Variants in TRIQK observed in about 807,000 individuals in gnomAD.
TRIQK encodes the protein triple QxxK/R motif containing, also known as triple QxxK/R motif-containing protein.
TRIQK carries 10 observed loss-of-function variants against 10.8 expected under a neutral mutation model. That is an observed-to-expected ratio of 0.92 (90% CI 0.57 to 1.57). TRIQK has a LOEUF of 1.57. TRIQK is among the 40% of genes most tolerant of loss of function. TRIQK has a pLI of 0.00. For missense variants in TRIQK, 107 were observed against 97.7 expected, an observed-to-expected ratio of 1.09 and a Z score of -0.40; for synonymous variants, 33 against 33.7, an observed-to-expected ratio of 0.98 and a Z score of 0.07.
intron 1 of TRIQK, among the ~76,000 whole-genome samples, chr8:93,007,323 G>GCAA (rs763995050): frequency 6.6e-6 from 1 of 152,128 alleles, no homozygotes; most frequent in Non-Finnish European, 1.5e-5. Context: ...CAAACAGAAA[G>GCAA]CAACAACAAC....
chr8:92,884,525 C>A lies in TRIQK; in HGVS notation c.*2097G>T. On this transcript the variant is annotated 3_prime_UTR_variant, in exon 5 of 5. Transcript: ENST00000521988. ...CAATAAAACTAGGCAGTGAAATTTG[C>A]CTATAATTATACTATATTTAGATTA... is the stretch of plus-strand genomic sequence containing the variant. 1 of 273,336 alleles carries A rather than the reference C, an allele frequency of 3.7e-6. No homozygotes were observed. Among genetic ancestry groups the A allele is most frequent in the Non-Finnish European group, 7.2e-6 (1 of 138,906 alleles). 16.9% of individuals were successfully genotyped at this position (273,336 alleles called of 1,614,324 possible).
At chr8:92,913,292 T>C (rs1809661942) in intron 3 of TRIQK, among the ~76,000 whole-genome samples, 1 of 151,696 alleles carries the variant, frequency 6.6e-6, no homozygotes, top group South Asian at 2.1e-4. Context: ...AAAAACCCCA[T>C]CAAAAAGTGG....
At chr8:92,904,758 G>T (rs1395380993) in intron 3 of TRIQK, among the ~76,000 whole-genome samples, 2 of 152,100 alleles carry the variant, frequency 1.3e-5, no homozygotes, top group African/African-American at 4.8e-5. Flanking sequence ...ATATCACAAT[G>T]ACAATGATAT....
intron 2 of TRIQK, among the ~76,000 whole-genome samples, chr8:92,930,839 T>C (rs1280628254): frequency 6.6e-6 from 1 of 152,186 alleles, no homozygotes. Context: ...TTGTTTGAAT[T>C]ATCACAGGAA....
At chr8:93,008,893 G>A (rs1813300343) in intron 1 of TRIQK, among the ~76,000 whole-genome samples, 1 of 152,264 alleles carries the variant, frequency 6.6e-6, no homozygotes, top group East Asian at 1.9e-4. Flanking sequence ...AAAACACAGA[G>A]GAAATGATTC....
At chr8:92,948,589 G>GT (rs1169847086) in intron 2 of TRIQK, among the ~76,000 whole-genome samples, 1 of 152,076 alleles carries the variant, frequency 6.6e-6, no homozygotes. Flanking sequence ...TATTTAAAAG[G>GT]TTTTTTCTTA....
chr8:92,955,531 A>G (rs754906356), intron 1 of TRIQK, among the ~76,000 whole-genome samples: 1 of 151,782 alleles, frequency 6.6e-6, no homozygotes, highest in Non-Finnish European at 1.5e-5. Flanking sequence ...AGTCTCTTAG[A>G]TACAACACCA....
At chr8:92,946,884 A>C (rs1811565631) in intron 2 of TRIQK, among the ~76,000 whole-genome samples, 1 of 151,100 alleles carries the variant, frequency 6.6e-6, no homozygotes, top group Non-Finnish European at 1.5e-5. Context: ...CCTCAGCCTC[A>C]GAGTAGCTGG....
At chr8:92,922,643 T>C (rs1810246950) in intron 2 of TRIQK, 1 of 151,796 alleles carries the variant, frequency 6.6e-6, no homozygotes, top group African/African-American at 2.4e-5. Context: ...CAAAAATATA[T>C]TTTTACCAAA....
At position 92,975,791 on chromosome 8, in the gene TRIQK, T is replaced by C. The variant is rs1812925994; in HGVS notation, c.-180-21227A>G. Among the ~76,000 whole-genome samples, 3 of 152,102 alleles carry C rather than the reference T, an allele frequency of 2.0e-5. No homozygotes were observed. In the South Asian group the frequency reaches 6.2e-4, roughly 31 times the overall value. ...TGATTAGAGTATTTTCTGTCTTTTC[T>C]AATATAGGAGATAAATAATATAAAT... On this transcript the variant is annotated intron_variant, in intron 1 of 4. Coordinates refer to the TRIQK transcript ENST00000520686.
intron 1 of TRIQK, among the ~76,000 whole-genome samples, chr8:92,999,118 T>C (rs1218101171): frequency 6.6e-6 from 1 of 152,144 alleles, no homozygotes; most frequent in African/African-American, 2.4e-5. Context: ...AACCAGACAT[T>C]ATCTCCAACT....
chr8:92,980,326 A>T (rs539387546), intron 1 of TRIQK, among the ~76,000 whole-genome samples: 27 of 151,986 alleles, frequency 1.8e-4, no homozygotes, highest in African/African-American at 6.5e-4. Context: ...ACTTGTTAAT[A>T]CTTTATGTTT....
chr8:92,916,018 G>A (rs1809821984), intron 3 of TRIQK, among the ~76,000 whole-genome samples: 1 of 151,956 alleles, frequency 6.6e-6, no homozygotes. Flanking sequence ...ATTTAGAAGT[G>A]TTATTTTTAT....
At chr8:92,995,545 AT>A (rs1024055844) in intron 1 of TRIQK, among the ~76,000 whole-genome samples, 5 of 150,814 alleles carry the variant, frequency 3.3e-5, no homozygotes, top group East Asian at 2.0e-4. Flanking sequence ...CATTTATCTT[AT>A]TTTTTTTCAC....
At chr8:92,945,386 A>T (rs1396646312) in intron 2 of TRIQK, among the ~76,000 whole-genome samples, 1 of 152,246 alleles carries the variant, frequency 6.6e-6, no homozygotes, top group Non-Finnish European at 1.5e-5. Flanking sequence ...CATACGGTGT[A>T]GGATCTAACT....
At chr8:92,952,034 C>T (rs1384866007) in intron 2 of TRIQK, among the ~76,000 whole-genome samples, 1 of 151,050 alleles carries the variant, frequency 6.6e-6, no homozygotes, top group Non-Finnish European at 1.5e-5. Context: ...TTACCCAGTA[C>T]ATCATATCTG....
At chr8:92,957,914 A>G (rs1812254789) in intron 1 of TRIQK, among the ~76,000 whole-genome samples, 1 of 151,932 alleles carries the variant, frequency 6.6e-6, no homozygotes, top group African/African-American at 2.4e-5. Flanking sequence ...ACCTGTGTAT[A>G]CCTCAGTACA....
intron 2 of TRIQK, chr8:92,929,386 CT>C (rs1810597733): frequency 6.6e-6 from 1 of 152,192 alleles, no homozygotes; most frequent in Non-Finnish European, 1.5e-5. Context: ...AAACAAAGCA[CT>C]TGTTTTTCCC....
Position 92,885,093 on chromosome 8 carries a change from T to C in TRIQK, c.*1529A>G, listed in dbSNP as rs1816405735. 8 of 435,470 alleles carry C rather than the reference T, an allele frequency of 1.8e-5. No homozygotes were observed. The highest frequency in any genetic ancestry group is 1.3e-4 in the South Asian group (8 of 63,100). 27.0% of individuals were successfully genotyped at this position (435,470 alleles called of 1,614,324 possible). ...AGTTCAAAGGGAAGAATCTAGTAAATAACACCGGCTAAATTTTGCCCTCAG... is the reference window on the plus strand; with the variant it reads ...AGTTCAAAGGGAAGAATCTAGTAAACAACACCGGCTAAATTTTGCCCTCAG... On this transcript the variant is annotated 3_prime_UTR_variant, in exon 5 of 5. Coordinates refer to ENST00000521988, the MANE Select transcript of TRIQK (RefSeq NM_001171797.2).
Sources: gnomAD v4.1 joint callset for allele counts (sites outside exome capture counted in the v4.1 genomes callset) on GRCh38, gnomAD v4.1.1 for gene constraint, MANE v1.5 for transcripts, NCBI Gene and HGNC (gene_info 2026-07-23, HGNC 2026-07-21) for gene names.